Variants in CEP55 observed in about 807,000 individuals in gnomAD.
The protein encoded by CEP55 is centrosomal protein of 55 kDa.
In CEP55, 57 loss-of-function variants were observed where a neutral mutation model predicts 63.2. The ratio of observed to expected loss-of-function variants is 0.90; its 90% confidence interval spans 0.73 to 1.13. CEP55 has a LOEUF of 1.13. Among genes scored for constraint, CEP55 ranks in the 50% most tolerant of loss-of-function variants. CEP55 has a pLI of 0.00. For synonymous variants in CEP55, 178 were observed against 191.6 expected (o/e 0.93, Z 0.59); for missense variants, 456 against 518.9 (o/e 0.88, Z 1.18).
At chr10:93,512,703 C>T (rs2057766082) in intron 4 of CEP55, among the ~76,000 whole-genome samples, 1 of 152,040 alleles carries the variant, frequency 6.6e-6, no homozygotes, top group Non-Finnish European at 1.5e-5. Context: ...AGTGCTTCCT[C>T]TCTTATCAAG....
At chr10:93,520,494 T>C (rs2057849982) in intron 8 of CEP55, among the ~76,000 whole-genome samples, 1 of 151,982 alleles carries the variant, frequency 6.6e-6, no homozygotes, top group Non-Finnish European at 1.5e-5. Context: ...ACTGTTAATA[T>C]GCTTTTTAGA....
At chr10:93,521,314 G>A (rs184586762) in intron 8 of CEP55, among the ~76,000 whole-genome samples, 3 of 152,312 alleles carry the variant, frequency 2.0e-5, no homozygotes, top group African/African-American at 4.8e-5. Context: ...CGCCTGGCTT[G>A]GAGGGTCCTA....
At chr10:93,522,137 C>G (rs1033712973) in intron 8 of CEP55, among the ~76,000 whole-genome samples, 36 of 152,168 alleles carry the variant, frequency 2.4e-4, no homozygotes, top group Non-Finnish European at 4.4e-5. Context: ...TCAAACTTCT[C>G]TGAGCTAAAG....
At chr10:93,508,248 A>G (rs1478987264) in intron 4 of CEP55, among the ~76,000 whole-genome samples, 1 of 152,216 alleles carries the variant, frequency 6.6e-6, no homozygotes, top group Admixed American at 6.5e-5. Flanking sequence ...TTCAAGTTTT[A>G]GAGATATGAA....
chr10:93,527,978 A>C lies in CEP55; in HGVS notation c.1220A>C (p.Glu407Ala). Reference sequence around the variant, plus strand: ...CAGCTTCATGAGTTTGCCATCACAGAGCCATTAGTCACTTTCCAAGGAGAG... The same window carrying C: ...CAGCTTCATGAGTTTGCCATCACAGCGCCATTAGTCACTTTCCAAGGAGAG... ...LKQLHEFAIT[E>A]PLVTFQGETE... Residue 407 changes from glutamate (E) to alanine (A), a missense_variant, in exon 9 of 9, where the codon GAG becomes GCG. Physicochemically the swap from Glu to Ala is moderately radical, Grantham distance 107. Coordinates refer to ENST00000371485, the MANE Select transcript of CEP55 (RefSeq NM_018131.5). The C allele has an allele frequency of 6.2e-7, 1 of 1,614,018 alleles. No homozygotes were observed. Among genetic ancestry groups the C allele is most frequent in the East Asian group, 2.2e-5 (1 of 44,864 alleles).
chr10:93,499,266 A>G (rs961504609), intron 1 of CEP55, among the ~76,000 whole-genome samples: 1 of 152,164 alleles, frequency 6.6e-6, no homozygotes, highest in African/African-American at 2.4e-5. Context: ...GATCTGAACT[A>G]GGCTACCTTC....
chr10:93,514,560 A>G (rs2057783346), intron 4 of CEP55, among the ~76,000 whole-genome samples: 1 of 152,236 alleles, frequency 6.6e-6, no homozygotes, highest in Admixed American at 6.5e-5. Flanking sequence ...AAACCTAACA[A>G]GGTCTCTGTC....
At chr10:93,497,800 C>G (rs1030094397) in intron 1 of CEP55, among the ~76,000 whole-genome samples, 2 of 151,740 alleles carry the variant, frequency 1.3e-5, no homozygotes, top group Non-Finnish European at 2.9e-5. Context: ...CTGGGGGAAC[C>G]CTGTGGATGA....
At chr10:93,520,599 C>T (rs1214080116) in intron 8 of CEP55, among the ~76,000 whole-genome samples, 2 of 151,692 alleles carry the variant, frequency 1.3e-5, no homozygotes, top group East Asian at 3.9e-4. Flanking sequence ...AATGGTTTTT[C>T]ACTTACTTAT....
intron 3 of CEP55, among the ~76,000 whole-genome samples, chr10:93,506,316 T>C (rs2134463744): frequency 6.6e-6 from 1 of 152,364 alleles, no homozygotes; most frequent in South Asian, 2.1e-4. Flanking sequence ...ATTTAATGTC[T>C]TCTAGGTGTC....
chr10:93,497,836 T>C (rs2057588805), intron 1 of CEP55, among the ~76,000 whole-genome samples: 2 of 150,582 alleles, frequency 1.3e-5, no homozygotes, highest in South Asian at 2.2e-4. Context: ...CAGGGAAAGG[T>C]GGCCGGGCGC....
chr10:93,511,129 C>T (rs966890340), intron 4 of CEP55, among the ~76,000 whole-genome samples: 20 of 151,794 alleles, frequency 1.3e-4, no homozygotes, highest in Non-Finnish European at 2.6e-4. Context: ...TTAGTAGAGA[C>T]GGGGTTTCAC....
intron 5 of CEP55, among the ~76,000 whole-genome samples, chr10:93,516,512 C>T (rs2057804903): frequency 6.6e-6 from 1 of 152,096 alleles, no homozygotes; most frequent in Admixed American, 6.6e-5. Context: ...GCAATATAAG[C>T]ACTTGTTAGA....
In CEP55 at chr10:93,499,155, GC is replaced by G. The variant is rs1181649073; in HGVS notation, c.-12-883del. 1.1e-4 allele frequency among the ~76,000 whole-genome samples: 17 copies of G among 152,028 alleles called. No homozygotes were observed. In the East Asian group the frequency reaches 2.9e-3, roughly 26 times the overall value. On this transcript the variant is annotated intron_variant, in intron 1 of 8. Transcript: ENST00000371485. ...GCCCCTTATTCTTAATTCCTTTCATGCCTGACTCCCCTGAATGTTATACCTC... is the reference window on the plus strand; with the variant it reads ...GCCCCTTATTCTTAATTCCTTTCATGCTGACTCCCCTGAATGTTATACCTC...
chr10:93,500,379 C>A, intron 2 of CEP55, 145 bp downstream of exon 2: 1 of 682,542 alleles, frequency 1.5e-6, no homozygotes, highest in Non-Finnish European at 2.4e-6. Flanking sequence ...GGTTTAGAAT[C>A]TTAAATTCCT....
intron 8 of CEP55, among the ~76,000 whole-genome samples, chr10:93,525,558 A>G (rs1589661090): frequency 1.3e-5 from 2 of 152,208 alleles, no homozygotes; most frequent in South Asian, 4.2e-4. Flanking sequence ...GCTACCAATG[A>G]CTTTCTTCAC....
In CEP55 at chr10:93,517,185, G is replaced by A; in HGVS notation, c.930G>A (p.Glu310=). 6.2e-7 allele frequency: 1 copy of A among 1,612,964 alleles called. No individual in the cohort carries two copies. The highest frequency in any genetic ancestry group is 8.5e-7 in the Non-Finnish European group (1 of 1,179,568). Residue 310 remains glutamate (E), a synonymous_variant, in exon 6 of 9, where the codon GAG becomes GAA. Transcript: ENST00000371485. Reference sequence around the variant, plus strand: ...AGAAGATACAAAAACTCAGGGAAGAGAATGATATTGCTAGGGGAAAACTTG... The same window carrying A: ...AGAAGATACAAAAACTCAGGGAAGAAAATGATATTGCTAGGGGAAAACTTG... ...KTEKIQKLRE[E]NDIARGKLEE...
intron 8 of CEP55, among the ~76,000 whole-genome samples, chr10:93,525,819 A>G (rs1181600639): frequency 6.6e-6 from 1 of 152,100 alleles, no homozygotes; most frequent in Non-Finnish European, 1.5e-5. Context: ...CAAACCTGAC[A>G]ACAACAAGAA....
intron 8 of CEP55, among the ~76,000 whole-genome samples, chr10:93,521,155 C>T (rs1466000412): frequency 6.6e-6 from 1 of 152,090 alleles, no homozygotes; most frequent in African/African-American, 2.4e-5. Flanking sequence ...GGCATCGCCT[C>T]ACCCAGGAAG....
Sources: allele counts gnomAD v4.1 joint callset (sites outside exome capture counted in the v4.1 genomes callset), GRCh38; gene constraint gnomAD v4.1.1; transcripts MANE v1.5; gene names NCBI Gene and HGNC (gene_info 2026-07-23, HGNC 2026-07-21).